NELL1: variants seen among roughly 807,000 people sequenced by gnomAD.
NELL1 encodes protein kinase C-binding protein NELL1.
A neutral mutation model predicts 107.4 loss-of-function variants in NELL1; 76 were observed. The observed-to-expected ratio is 0.71, with a 90% CI of 0.59 to 0.86. The LOEUF (loss-of-function observed/expected upper bound fraction) is 0.86, where lower values mean the gene tolerates loss of function less well. NELL1 is among the 40% of genes least tolerant of loss of function. The pLI, the probability that NELL1 is intolerant of heterozygous loss-of-function variation, is 0.00. For synonymous variants in NELL1, 353 were observed against 341.2 expected (o/e 1.03, Z -0.38); for missense variants, 1,024 against 1,005.5 (o/e 1.02, Z -0.25).
intron 12 of NELL1, among the ~76,000 whole-genome samples, chr11:20,970,556 G>T (rs774859377): frequency 2.6e-5 from 4 of 152,202 alleles, no homozygotes; most frequent in Non-Finnish European, 5.9e-5. Flanking sequence ...GCCAATAGGA[G>T]TCAGCACAGG....
chr11:21,532,394 C>G (rs1202412862), intron 15 of NELL1, among the ~76,000 whole-genome samples: 1 of 152,156 alleles, frequency 6.6e-6, no homozygotes, highest in African/African-American at 2.4e-5. Context: ...TCTGTTCTTC[C>G]TAGAAATGTT....
At chr11:21,021,040 C>CACACACAT (rs1852688308) in intron 12 of NELL1, among the ~76,000 whole-genome samples, 1 of 150,886 alleles carries the variant, frequency 6.6e-6, no homozygotes, top group Non-Finnish European at 1.5e-5. Flanking sequence ...CACACACACA[C>CACACACAT]ACACACACAG....
chr11:21,327,231 A>T (rs1347278177), intron 14 of NELL1, among the ~76,000 whole-genome samples: 7 of 143,162 alleles, frequency 4.9e-5, no homozygotes, highest in Admixed American at 2.1e-4. Flanking sequence ...GCATTTGGAG[A>T]TATACCTAAT....
intron 2 of NELL1, among the ~76,000 whole-genome samples, chr11:20,725,419 G>A (rs1310514662): frequency 6.6e-6 from 1 of 152,220 alleles, no homozygotes; most frequent in Non-Finnish European, 1.5e-5. Context: ...AGCAACAGGA[G>A]TATCTGAGTA....
chr11:21,374,366 G>A (rs1345501046), intron 15 of NELL1, among the ~76,000 whole-genome samples: 2 of 152,010 alleles, frequency 1.3e-5, no homozygotes, highest in South Asian at 2.1e-4. Context: ...CTCATGTGGC[G>A]ATTGGCAGGA....
At chr11:20,923,726 A>T (rs1442638698) in intron 7 of NELL1, among the ~76,000 whole-genome samples, 1 of 152,242 alleles carries the variant, frequency 6.6e-6, no homozygotes, top group African/African-American at 2.4e-5. Flanking sequence ...AAATCTATGT[A>T]TGCAAATCAA....
chr11:21,387,640 T>C (rs893836432), intron 15 of NELL1, among the ~76,000 whole-genome samples: 1 of 151,826 alleles, frequency 6.6e-6, no homozygotes, highest in African/African-American at 2.4e-5. Context: ...ACCACTCTTC[T>C]CACAAAAGCA....
intron 15 of NELL1, among the ~76,000 whole-genome samples, chr11:21,429,502 A>G (rs1206434724): frequency 6.6e-6 from 1 of 152,204 alleles, no homozygotes; most frequent in Non-Finnish European, 1.5e-5. Flanking sequence ...AGGGGCTTCA[A>G]TCCTGTCTTG....
chr11:21,548,942 G>C (rs949339927), intron 16 of NELL1, among the ~76,000 whole-genome samples: 2 of 150,640 alleles, frequency 1.3e-5, no homozygotes, highest in African/African-American at 4.9e-5. Flanking sequence ...AGCAGGAAAG[G>C]AATTTTACTG....
At chr11:21,544,036 C>A (rs1856366110) in intron 16 of NELL1, among the ~76,000 whole-genome samples, 1 of 151,910 alleles carries the variant, frequency 6.6e-6, no homozygotes, top group Non-Finnish European at 1.5e-5. Flanking sequence ...TGAATATCTT[C>A]CTAATGGCAA....
intron 1 of NELL1, among the ~76,000 whole-genome samples, chr11:20,672,330 G>A (rs1853934255): frequency 6.6e-6 from 1 of 152,212 alleles, no homozygotes; most frequent in South Asian, 2.1e-4. Flanking sequence ...GCTGTTAACA[G>A]TCCTAGATGA....
At chr11:20,671,554 A>G (rs1449263358) in intron 1 of NELL1, among the ~76,000 whole-genome samples, 1 of 152,144 alleles carries the variant, frequency 6.6e-6, no homozygotes, top group Non-Finnish European at 1.5e-5. Flanking sequence ...AAGAACAGGT[A>G]TTTTCCCTCT....
intron 13 of NELL1, among the ~76,000 whole-genome samples, chr11:21,122,183 C>T (rs537939142): frequency 6.6e-6 from 1 of 152,190 alleles, no homozygotes; most frequent in Admixed American, 6.5e-5. Flanking sequence ...GTGAACAAAC[C>T]TATTAAGTAC....
At chr11:20,715,106 G>A (rs949602723) in intron 2 of NELL1, among the ~76,000 whole-genome samples, 11 of 152,002 alleles carry the variant, frequency 7.2e-5, no homozygotes, top group East Asian at 3.9e-4. Flanking sequence ...TTAGCTGGGC[G>A]TGGTGGCGGG....
rs1023585494 is a variant in NELL1 at position 21,107,948 on chromosome 11, A to G, written c.1301-5641A>G. Among the ~76,000 whole-genome samples, 3 of 152,188 alleles carry G rather than the reference A, an allele frequency of 2.0e-5. No homozygotes were observed. In the East Asian group the frequency reaches 5.8e-4, roughly 29 times the overall value. Reference sequence around the variant, plus strand: ...TTTGTCCAACAGTTAGTGTGGAACAACTATCCTCTTTGGAGTCATAAGAAC... The same window carrying G: ...TTTGTCCAACAGTTAGTGTGGAACAGCTATCCTCTTTGGAGTCATAAGAAC... On this transcript the variant is annotated intron_variant, in intron 12 of 19. Coordinates refer to ENST00000357134, the MANE Select transcript of NELL1 (RefSeq NM_006157.5).
rs894493868 is a variant in NELL1, at chr11:20,783,797, G to A, written c.302G>A (p.Gly101Glu). Residue 101 changes from glycine (G) to glutamate (E), a missense_variant, in exon 3 of 20, where the codon GGA becomes GAA. By Grantham distance (98) the Gly-to-Glu change is moderately conservative (BLOSUM62 -2). Transcript: ENST00000357134. ...ATVQQKPSTS[G>E]VILSIRELEH... ...GTACAGCAGAAGCCATCCACTTCAG[G>A]AGTGATACTGTCCATTCGAGAACTG... is the stretch of plus-strand genomic sequence containing the variant. 2 of 1,613,672 alleles carry A rather than the reference G, an allele frequency of 1.2e-6. No individual in the cohort carries two copies. Among genetic ancestry groups the A allele is most frequent in the Non-Finnish European group, 1.7e-6 (2 of 1,179,896 alleles).
At chr11:21,302,900 T>A (rs930098840) in intron 14 of NELL1, among the ~76,000 whole-genome samples, 141 of 149,770 alleles carry the variant, frequency 9.4e-4, no homozygotes, top group Non-Finnish European at 8.3e-4. Flanking sequence ...TACAAAAAAA[T>A]TAAAAAAAAA....
chr11:20,863,844 G>A (rs143059091), intron 4 of NELL1, among the ~76,000 whole-genome samples: 11 of 152,320 alleles, frequency 7.2e-5, no homozygotes, highest in African/African-American at 2.2e-4. Flanking sequence ...ACGAGACTCC[G>A]TCTGCAATCC....
intron 12 of NELL1, among the ~76,000 whole-genome samples, chr11:21,097,197 C>T (rs565001797): frequency 5.3e-5 from 8 of 152,214 alleles, no homozygotes; most frequent in Admixed American, 2.0e-4. Flanking sequence ...ACGTAGTCAC[C>T]GATGCTCTGC....
Sources: gnomAD v4.1 joint callset for allele counts (sites outside exome capture counted in the v4.1 genomes callset) on GRCh38, gnomAD v4.1.1 for gene constraint, MANE v1.5 for transcripts, NCBI Gene and HGNC (gene_info 2026-07-23, HGNC 2026-07-21) for gene names.